The following SLC44A5 variants were observed in gnomAD, a reference collection of about 807,000 sequenced individuals.
SLC44A5 encodes the protein solute carrier family 44 member 5.
Under a neutral mutation model 101.8 loss-of-function variants are expected in SLC44A5, and 57 were observed. The observed-to-expected ratio is 0.56, with a 90% confidence interval of 0.45 to 0.70. The LOEUF is 0.70. Among genes scored for constraint, SLC44A5 ranks in the 30% least tolerant of loss-of-function variants. The pLI is 0.00. For missense variants in SLC44A5, 737 were observed against 853.1 expected (o/e 0.86, Z 1.70); for synonymous variants, 281 against 290.9 (o/e 0.97, Z 0.35).
chr1:75,414,319 C>CACA (rs1663487437), intron 2 of SLC44A5, among the ~76,000 whole-genome samples: 6 of 122,770 alleles, frequency 4.9e-5, no homozygotes, highest in African/African-American at 2.1e-4. Context: ...ACATACATAT[C>CACA]CACATACACA....
the SLC44A5 span, among the ~76,000 whole-genome samples, chr1:75,635,245 G>A: frequency 6.6e-6 from 1 of 151,502 alleles, no homozygotes; most frequent in African/African-American, 2.4e-5. Flanking sequence ...GTGGAAGTCA[G>A]TGTGGCGATT....
At chr1:75,390,410 CAAAAAA>C in intron 3 of SLC44A5, among the ~76,000 whole-genome samples, 1 of 88,248 alleles carries the variant, frequency 1.1e-5, no homozygotes, top group African/African-American at 3.7e-5. Context: ...AAATCCTTAA[CAAAAAA>C]AAAAAAAAAA....
At chr1:75,591,180 C>T (rs1460005054) in intron 1 of SLC44A5, among the ~76,000 whole-genome samples, 1 of 152,158 alleles carries the variant, frequency 6.6e-6, no homozygotes, top group Non-Finnish European at 1.5e-5. Flanking sequence ...AATGTTGTAC[C>T]TCTATGAGTC....
At chr1:75,370,378 TTA>T (rs1660147682) in intron 3 of SLC44A5, among the ~76,000 whole-genome samples, 1 of 152,226 alleles carries the variant, frequency 6.6e-6, no homozygotes, top group Non-Finnish European at 1.5e-5. Context: ...TTTCATCTCC[TTA>T]ACTACTGAGA....
chr1:75,264,546 G>C (rs75768824), intron 6 of SLC44A5, among the ~76,000 whole-genome samples: 1 of 152,312 alleles, frequency 6.6e-6, no homozygotes, highest in East Asian at 1.9e-4. Context: ...CTGAATGACC[G>C]TTAGGTCAAG....
upstream of SLC44A5, among the ~76,000 whole-genome samples, chr1:75,613,811 G>T (rs1675755287): frequency 6.6e-6 from 1 of 152,112 alleles, no homozygotes; most frequent in South Asian, 2.1e-4. Context: ...ATTCCATACT[G>T]ACCTACAAAA....
At chr1:75,332,852 A>G (rs560071992) in intron 4 of SLC44A5, among the ~76,000 whole-genome samples, 1 of 152,344 alleles carries the variant, frequency 6.6e-6, no homozygotes, top group South Asian at 2.1e-4. Flanking sequence ...CACACCACAC[A>G]TTCTTATAAA....
intron 3 of SLC44A5, among the ~76,000 whole-genome samples, chr1:75,392,149 C>G (rs1282167958): frequency 6.9e-6 from 1 of 144,110 alleles, no homozygotes; most frequent in Non-Finnish European, 1.5e-5. Flanking sequence ...GAACCTGTCT[C>G]AAAAAAAAAA....
At chr1:75,636,875 T>A in the SLC44A5 span, among the ~76,000 whole-genome samples, 1 of 152,032 alleles carries the variant, frequency 6.6e-6, no homozygotes, top group Non-Finnish European at 1.5e-5. Context: ...AAAAGAAGTA[T>A]GACCTCAGGA....
At chr1:75,288,825 A>G (rs1161772693) in intron 5 of SLC44A5, among the ~76,000 whole-genome samples, 2 of 152,222 alleles carry the variant, frequency 1.3e-5, no homozygotes, top group African/African-American at 4.8e-5. Flanking sequence ...TAAGGACAGT[A>G]CTGCATCTTC....
intron 2 of SLC44A5, among the ~76,000 whole-genome samples, chr1:75,538,819 T>C (rs1421005167): frequency 6.6e-6 from 1 of 152,212 alleles, no homozygotes; most frequent in Non-Finnish European, 1.5e-5. Context: ...AAGTCTCATC[T>C]TGGGTGTCCC....
At chr1:75,271,327 G>C (rs1478687952) in intron 6 of SLC44A5, among the ~76,000 whole-genome samples, 2 of 151,896 alleles carry the variant, frequency 1.3e-5, no homozygotes. Context: ...TTTGGGTACA[G>C]ATGATTTTTG....
intron 6 of SLC44A5, among the ~76,000 whole-genome samples, chr1:75,251,687 A>G (rs1649592362): frequency 6.6e-6 from 1 of 152,226 alleles, no homozygotes; most frequent in South Asian, 2.1e-4. Flanking sequence ...CAAATATAAC[A>G]TGAAGAAACA....
the SLC44A5 span, among the ~76,000 whole-genome samples, chr1:75,675,168 T>A: frequency 6.6e-6 from 1 of 152,248 alleles, no homozygotes; most frequent in Non-Finnish European, 1.5e-5. Flanking sequence ...AGTAGTTTAA[T>A]AGAAATAGCA....
chr1:75,663,071 C>T, the SLC44A5 span, among the ~76,000 whole-genome samples: 1 of 152,072 alleles, frequency 6.6e-6, no homozygotes, highest in Non-Finnish European at 1.5e-5. Context: ...CACAAAAGAG[C>T]TCAAGCTTTA....
chr1:75,639,238 T>C, the SLC44A5 span, among the ~76,000 whole-genome samples: 2 of 152,114 alleles, frequency 1.3e-5, no homozygotes, highest in Non-Finnish European at 2.9e-5. Flanking sequence ...TGTGAGGTAA[T>C]GCATACGTTA....
Position 75,222,414 on chromosome 1 carries a change from G to T in SLC44A5, c.1032C>A (p.Ile344=), listed in dbSNP as rs747545774. ...CGACTCGGATTCGATTCCTGAGGAA[G>T]ATCAGCATGAGGATGACAATCACTT... ...IIEVIVILML[I]FLRNRIRVAI... The change falls in exon 14 of 24, where the codon ATC becomes ATA. Residue 344 remains isoleucine, a synonymous_variant. Transcript: ENST00000370859. The T allele has an allele frequency of 3.1e-6, 5 of 1,613,584 alleles. No individual in the cohort carries two copies. The East Asian group carries it at 1.1e-4, about 36-fold the overall frequency.
the SLC44A5 span, among the ~76,000 whole-genome samples, chr1:75,691,365 G>C: frequency 6.6e-6 from 1 of 152,162 alleles, no homozygotes; most frequent in Non-Finnish European, 1.5e-5. Flanking sequence ...TTCTGGAGTT[G>C]CTAGCATAAA....
At chr1:75,698,627 C>T in the SLC44A5 span, among the ~76,000 whole-genome samples, 17 of 152,334 alleles carry the variant, frequency 1.1e-4, no homozygotes, top group African/African-American at 3.1e-4. Context: ...CAGTTCCTCA[C>T]CAGCAATGGA....
Sources: gnomAD v4.1 joint callset for allele counts (sites outside exome capture counted in the v4.1 genomes callset) on GRCh38, gnomAD v4.1.1 for gene constraint, MANE v1.5 for transcripts, NCBI Gene and HGNC (gene_info 2026-07-23, HGNC 2026-07-21) for gene names.